The following POU6F2 variants were observed in gnomAD, a reference collection of about 807,000 sequenced individuals.
POU6F2 encodes POU domain, class 6, transcription factor 2.
A neutral mutation model predicts 71.3 loss-of-function variants in POU6F2; 31 were observed. The ratio of observed to expected loss-of-function variants is 0.43; its 90% CI spans 0.33 to 0.59. The LOEUF (loss-of-function observed/expected upper bound fraction) is 0.59. Among genes scored for constraint, POU6F2 ranks in the 20% least tolerant of loss-of-function variants. The probability of loss-of-function intolerance (pLI) is 0.04; values close to 1 mark genes in which losing one functional copy is unlikely to be tolerated. For synonymous variants in POU6F2, 347 were observed against 355.7 expected (o/e 0.98, Z 0.27); for missense variants, 783 against 856.8 (o/e 0.91, Z 1.07).
At chr7:39,212,043 A>G (rs557541193) in intron 4 of POU6F2, among the ~76,000 whole-genome samples, 1 of 152,294 alleles carries the variant, frequency 6.6e-6, no homozygotes, top group East Asian at 1.9e-4. Context: ...CTGACTATCC[A>G]AGAGAGAAAT....
chr7:39,188,127 C>G (rs967156848), intron 2 of POU6F2, among the ~76,000 whole-genome samples: 1 of 152,156 alleles, frequency 6.6e-6, no homozygotes, highest in Non-Finnish European at 1.5e-5. Context: ...GAGCTGGGCT[C>G]TTTTTATTCA....
intron 2 of POU6F2, among the ~76,000 whole-genome samples, chr7:39,178,290 A>G (rs1260525573): frequency 2.6e-5 from 4 of 152,200 alleles, no homozygotes; most frequent in African/African-American, 9.6e-5. Context: ...AGATATAAAC[A>G]TTTTACTATT....
chr7:39,057,535 A>G (rs1584520984), intron 1 of POU6F2, among the ~76,000 whole-genome samples: 1 of 151,944 alleles, frequency 6.6e-6, no homozygotes, highest in South Asian at 2.1e-4. Flanking sequence ...TCAGCTTTTC[A>G]TTTACCTCCT....
At chr7:39,124,839 T>A (rs1792111546) in intron 2 of POU6F2, among the ~76,000 whole-genome samples, 1 of 152,188 alleles carries the variant, frequency 6.6e-6, no homozygotes, top group Non-Finnish European at 1.5e-5. Flanking sequence ...TTAGGACAGT[T>A]AGTTGAAGCA....
intron 1 of POU6F2, among the ~76,000 whole-genome samples, chr7:39,057,152 A>G (rs1790546286): frequency 6.6e-6 from 1 of 151,992 alleles, no homozygotes; most frequent in Admixed American, 6.6e-5. Context: ...CATTGCTTTT[A>G]TGGTTCAGGG....
rs977357125 is a variant in POU6F2, at chr7:39,464,737, C to A, written c.*51C>A. The A allele has an allele frequency of 7.9e-6, 12 of 1,512,860 alleles. No homozygotes were observed. Among genetic ancestry groups the A allele is most frequent in the Non-Finnish European group, 1.1e-5 (12 of 1,132,506 alleles). 93.7% of individuals were successfully genotyped at this position (1,512,860 alleles called of 1,614,324 possible). ...CAAAATTCACAGAAACTAAACTCCA[C>A]CCTTGGGACTCCACAACAACAACAA... is the stretch of plus-strand genomic sequence containing the variant. On this transcript the variant is annotated 3_prime_UTR_variant, in exon 10 of 10. Transcript: ENST00000518318. The surrounding 1 kb of genome is among the most constrained non-coding windows in gnomAD (Gnocchi z 4.1).
intron 5 of POU6F2, among the ~76,000 whole-genome samples, chr7:39,401,234 A>G (rs769811885): frequency 3.3e-5 from 5 of 152,190 alleles, no homozygotes; most frequent in Non-Finnish European, 5.9e-5. Flanking sequence ...CCCAGCCCCA[A>G]AAATCTCTCA....
chr7:39,009,403 C>G (rs1404665655), intron 1 of POU6F2, among the ~76,000 whole-genome samples: 2 of 152,228 alleles, frequency 1.3e-5, no homozygotes, highest in Non-Finnish European at 2.9e-5. Flanking sequence ...AGTTGCTTAT[C>G]AGCTGAAGGA....
At position 39,137,946 on chromosome 7, in the gene POU6F2, T is replaced by C. The variant is rs117939592; in HGVS notation, c.277+51915T>C. ...ACAGTCCTGTGAAGAGGCCTACACC[T>C]AACTTGAGGACTGAGTAATGTGAGC... On this transcript the variant is annotated intron_variant, in intron 2 of 9. Transcript: ENST00000518318. 7.7e-3 allele frequency among the ~76,000 whole-genome samples: 1,180 copies of C among 152,330 alleles called. 12 individuals are homozygous for C. The highest frequency in any genetic ancestry group is 0.014 in the Non-Finnish European group (940 of 68,030).
intron 4 of POU6F2, among the ~76,000 whole-genome samples, chr7:39,250,836 G>T (rs1783902349): frequency 6.6e-6 from 1 of 152,170 alleles, no homozygotes; most frequent in South Asian, 2.1e-4. Context: ...ATCCCTGTTG[G>T]CCAGATAGAG....
chr7:39,395,377 C>G (rs1474471753), intron 5 of POU6F2, among the ~76,000 whole-genome samples: 1 of 152,192 alleles, frequency 6.6e-6, no homozygotes, highest in Admixed American at 6.5e-5. Context: ...CTGTTCCTCT[C>G]ACCTTCTCAC....
intron 8 of POU6F2, among the ~76,000 whole-genome samples, chr7:39,453,819 G>A (rs148433006): frequency 6.6e-4 from 100 of 152,308 alleles, no homozygotes; most frequent in African/African-American, 2.3e-3. Context: ...GTGGGAAAGA[G>A]AGACTCTTTT....
intron 2 of POU6F2, among the ~76,000 whole-genome samples, chr7:39,138,764 C>T (rs557557078): frequency 1.4e-4 from 22 of 152,272 alleles, no homozygotes; most frequent in Admixed American, 5.2e-4. Flanking sequence ...CCCCAAACCA[C>T]CCCTGCCCCC....
In POU6F2 at chr7:39,339,798, C is replaced by T. The variant is rs768403306; in HGVS notation, c.755C>T (p.Thr252Ile). ...TCCCAGCAGCAGCCGCTGCAGCCCA[C>T]CCCACCCCAGCAGCCACCACCCGCC... ...SQSQQQPLQP[T>I]PPQQPPPASQ... is the part of the protein sequence containing the mutation. The change falls in exon 5 of 10, where the codon ACC becomes ATC. Residue 252 changes from threonine to isoleucine, a missense_variant. This residue lies in a region of POU6F2 where 572 missense variants were observed against 572.9 expected (regional missense o/e 1.00). Coordinates refer to ENST00000518318, the MANE Select transcript of POU6F2 (RefSeq NM_001370959.1). 2 of 1,571,480 alleles carry T rather than the reference C, an allele frequency of 1.3e-6. No individual in the cohort carries two copies. The highest frequency in any genetic ancestry group is 1.9e-5 in the Admixed American group (1 of 52,360).
intron 5 of POU6F2, among the ~76,000 whole-genome samples, chr7:39,349,798 T>C (rs1264115855): frequency 6.6e-6 from 1 of 152,188 alleles, no homozygotes; most frequent in Non-Finnish European, 1.5e-5. Flanking sequence ...TGTTGAGAAC[T>C]AAATTGGGCA....
intron 2 of POU6F2, among the ~76,000 whole-genome samples, chr7:39,194,832 C>T (rs1462936884): frequency 6.6e-6 from 1 of 152,180 alleles, no homozygotes; most frequent in African/African-American, 2.4e-5. Flanking sequence ...ACGAACCCCC[C>T]CGGGGAGGAA....
At chr7:39,450,731 C>T (rs1442965631) in intron 7 of POU6F2, among the ~76,000 whole-genome samples, 1 of 152,168 alleles carries the variant, frequency 6.6e-6, no homozygotes, top group African/African-American at 2.4e-5. Flanking sequence ...GGTCAGACTT[C>T]GTGTGTCCAG....
At chr7:39,333,250 A>G (rs757935974) in intron 4 of POU6F2, among the ~76,000 whole-genome samples, 3 of 152,160 alleles carry the variant, frequency 2.0e-5, no homozygotes, top group Non-Finnish European at 2.9e-5. Context: ...CTCAGACTTA[A>G]CCTGTCCTAA....
At chr7:39,291,961 T>G (rs4504545) in intron 4 of POU6F2, among the ~76,000 whole-genome samples, 65,290 of 146,460 alleles carry the variant, frequency 0.45, 15,107 homozygotes, top group Admixed American at 0.58. Flanking sequence ...TTTTTTTTTT[T>G]AATACATGGT....
Sources: gnomAD v4.1 joint callset for allele counts (sites outside exome capture counted in the v4.1 genomes callset) on GRCh38, gnomAD v4.1.1 for gene constraint, gnomAD v4.1.1 regional missense constraint, Gnocchi (gnomAD v3.1) non-coding constraint, MANE v1.5 for transcripts, NCBI Gene and HGNC (gene_info 2026-07-23, HGNC 2026-07-21) for gene names.